The following SNX25 variants were observed in gnomAD, a reference collection of about 807,000 sequenced individuals.
The protein encoded by SNX25 is sorting nexin-25.
Under a neutral mutation model 113.7 loss-of-function variants are expected in SNX25, and 62 were observed. That is an observed-to-expected ratio of 0.55 (90% CI 0.44 to 0.67). The LOEUF (loss-of-function observed/expected upper bound fraction) is 0.67. Ranked by LOEUF, SNX25 falls within the 30% of genes least tolerant of loss-of-function variation. The pLI is 0.00. For missense variants in SNX25, 1,014 were observed against 1,161.0 expected (o/e 0.87, Z 1.84); for synonymous variants, 421 against 436.2 (o/e 0.97, Z 0.43).
Position 185,215,517 on chromosome 4 carries a change from C to T in SNX25, c.429+5262C>T, listed in dbSNP as rs1738672630. On this transcript the variant is annotated intron_variant, in intron 1 of 18. Transcript: ENST00000652585. ...TGAGTAAAACAAACTCATTTAGTTA[C>T]TCAAGGGGAAAAGGAAAAGAAACAG... 2.0e-5 allele frequency among the ~76,000 whole-genome samples: 3 copies of T among 152,184 alleles called. No individual in the cohort carries two copies. In the South Asian group the frequency reaches 6.2e-4, roughly 31 times the overall value.
chr4:185,280,206 A>G (rs1750380485), intron 5 of SNX25, among the ~76,000 whole-genome samples: 1 of 152,188 alleles, frequency 6.6e-6, no homozygotes, highest in African/African-American at 2.4e-5. Flanking sequence ...GTGAGCCACC[A>G]CACCATGCTG....
rs115178064 is a variant in SNX25, at chr4:185,227,043, C to T, written c.429+16788C>T. 5.7e-3 allele frequency among the ~76,000 whole-genome samples: 862 copies of T among 152,302 alleles called. 7 individuals are homozygous for T. Among genetic ancestry groups the T allele is most frequent in the African/African-American group, 0.019 (785 of 41,554 alleles). On this transcript the variant is annotated intron_variant, in intron 1 of 18. Transcript: ENST00000652585. The stretch of plus-strand genomic sequence containing the variant: ...TAGCCCCGTGAGTCGGAAGAGCTTG[C>T]GGGCTGTTGACCAGGTGACTGTATC...
intron 6 of SNX25, among the ~76,000 whole-genome samples, chr4:185,299,009 C>T (rs1004710252): frequency 4.6e-5 from 7 of 152,202 alleles, no homozygotes; most frequent in African/African-American, 1.4e-4. Flanking sequence ...GGTCAACACA[C>T]ATGCAAAACG....
At chr4:185,224,470 TATAAATATATAGATATATAA>T (rs1740567603) in intron 1 of SNX25, among the ~76,000 whole-genome samples, 1 of 126,482 alleles carries the variant, frequency 7.9e-6, no homozygotes, top group African/African-American at 3.2e-5. Flanking sequence ...TATATAAATA[TATAAATATATAGATATATAA>T]ATAGATATAT....
chr4:185,287,732 C>T (rs1751537879), intron 5 of SNX25, among the ~76,000 whole-genome samples: 1 of 152,162 alleles, frequency 6.6e-6, no homozygotes. Flanking sequence ...CTGAGCATAA[C>T]CTCAGAGTTT....
At chr4:185,285,266 G>C (rs1751184403) in intron 5 of SNX25, among the ~76,000 whole-genome samples, 1 of 151,930 alleles carries the variant, frequency 6.6e-6, no homozygotes, top group Non-Finnish European at 1.5e-5. Context: ...AATATTACTG[G>C]CTGGATGCTT....
chr4:185,323,900 A>G (rs1327260694), intron 9 of SNX25, 100 bp downstream of exon 9: 3 of 1,212,112 alleles, frequency 2.5e-6, no homozygotes, highest in African/African-American at 3.1e-5. Context: ...GCACATCTTC[A>G]TCTTTTAATA....
intron 1 of SNX25, among the ~76,000 whole-genome samples, chr4:185,230,283 T>C (rs1405613599): frequency 1.3e-5 from 2 of 152,214 alleles, no homozygotes; most frequent in South Asian, 2.1e-4. Flanking sequence ...AAATGAAATA[T>C]TATAATTATC....
At chr4:185,220,582 A>G (rs2126340719) in intron 1 of SNX25, among the ~76,000 whole-genome samples, 2 of 151,346 alleles carry the variant, frequency 1.3e-5, no homozygotes, top group South Asian at 4.2e-4. Context: ...GCCAGGTTCA[A>G]GCAATTCTCC....
At chr4:185,260,700 G>C (rs1201410778) in intron 3 of SNX25, among the ~76,000 whole-genome samples, 1 of 152,168 alleles carries the variant, frequency 6.6e-6, no homozygotes, top group Non-Finnish European at 1.5e-5. Flanking sequence ...ACTATGCTTG[G>C]AAGAATGAGA....
chr4:185,351,398 A>G (rs532251717), intron 13 of SNX25, 47 bp from the exon 14 acceptor site: 3 of 1,588,862 alleles, frequency 1.9e-6, no homozygotes, highest in African/African-American at 2.7e-5. Context: ...TCCCAGCCAC[A>G]CAGATAGTTT....
chr4:185,210,123 C>T lies in SNX25; in HGVS notation c.297C>T (p.Ser99=), dbSNP rs1737496970. The change falls in exon 1 of 19, where the codon AGC becomes AGT. Residue 99 remains serine, a synonymous_variant. Coordinates refer to ENST00000652585, the MANE Select transcript of SNX25 (RefSeq NM_001378034.2). This position sits in a 1 kb window ranked among gnomAD's most constrained non-coding sequence, Gnocchi z 4.4. ...TGTTCAGGCTCAGCCTGTACCTGAG[C>T]TGCGCGGCGGCCGCCTTCCTGCTGG... The part of the protein sequence containing the change: ...SVLFRLSLYL[S]CAAAAFLLGI... 1 of 984,166 alleles carries T rather than the reference C, an allele frequency of 1.0e-6. No individual in the cohort carries two copies. The highest frequency in any genetic ancestry group is 1.7e-5 in the African/African-American group (1 of 57,208). 61.0% of individuals were successfully genotyped at this position (984,166 alleles called of 1,614,324 possible). A position where few individuals can be genotyped will look rare whatever the true frequency, so the allele number is the denominator to read the frequency against.
chr4:185,286,257 C>T (rs983480743), intron 5 of SNX25, among the ~76,000 whole-genome samples: 13 of 152,024 alleles, frequency 8.6e-5, no homozygotes, highest in Admixed American at 4.6e-4. Flanking sequence ...CTAGGACTAC[C>T]GGCATGCATC....
At chr4:185,251,598 C>CGTGTGTGT (rs71593618) in intron 2 of SNX25, among the ~76,000 whole-genome samples, 92 of 147,268 alleles carry the variant, frequency 6.2e-4, no homozygotes, top group African/African-American at 1.4e-3. Flanking sequence ...TATTCCATTG[C>CGTGTGTGT]GTGTGTGTGT....
intron 7 of SNX25, among the ~76,000 whole-genome samples, chr4:185,314,856 CAAAAAAAAAAA>C (rs35230364): frequency 1.0e-5 from 1 of 96,402 alleles, no homozygotes; most frequent in Admixed American, 1.1e-4. Context: ...GACTCTGTCT[CAAAAAAAAAAA>C]AAAAAAAGAC....
chr4:185,240,835 C>T (rs1354463419), intron 1 of SNX25, among the ~76,000 whole-genome samples: 1 of 148,880 alleles, frequency 6.7e-6, no homozygotes, highest in Non-Finnish European at 1.5e-5. Context: ...CTCCTCACTT[C>T]TCAGACGGGG....
At chr4:185,371,563 A>G (rs63032061), downstream of SNX25, among the ~76,000 whole-genome samples, 12 of 128,364 alleles carry the variant, frequency 9.3e-5, no homozygotes, top group South Asian at 5.1e-4. Context: ...AAAAAAAAAA[A>G]GGATAATGGA....
intron 1 of SNX25, among the ~76,000 whole-genome samples, chr4:185,246,947 G>A (rs967168510): frequency 3.3e-5 from 5 of 152,102 alleles, no homozygotes; most frequent in African/African-American, 1.2e-4. Flanking sequence ...TTGCTGAGTA[G>A]TGTGTGGTTT....
Position 185,363,198 on chromosome 4 carries a change from C to T in SNX25, c.2935-187C>T, listed in dbSNP as rs1023378297. 6.6e-6 allele frequency among the ~76,000 whole-genome samples: 1 copy of T among 152,124 alleles called. No individual in the cohort carries two copies. Among genetic ancestry groups the T allele is most frequent in the Non-Finnish European group, 1.5e-5 (1 of 68,034 alleles). Reference sequence around the variant, plus strand: ...TAACTGGTTGGTTTTCTTATTTCAGCAAAGCCAACTGTTTCCCAGTCATCT... The same window carrying T: ...TAACTGGTTGGTTTTCTTATTTCAGTAAAGCCAACTGTTTCCCAGTCATCT... On this transcript the variant is annotated intron_variant, in intron 18 of 18. Transcript: ENST00000652585. This position sits in a 1 kb window ranked among gnomAD's most constrained non-coding sequence, Gnocchi z 4.2.
Sources: gnomAD v4.1 joint callset for allele counts (sites outside exome capture counted in the v4.1 genomes callset) on GRCh38, gnomAD v4.1.1 for gene constraint, Gnocchi (gnomAD v3.1) non-coding constraint, MANE v1.5 for transcripts, NCBI Gene and HGNC (gene_info 2026-07-23, HGNC 2026-07-21) for gene names.